Variants in TNRC6A observed in about 807,000 individuals in gnomAD.
TNRC6A encodes trinucleotide repeat-containing gene 6A protein.
TNRC6A carries 44 observed loss-of-function variants against 221.2 expected under a neutral mutation model. The ratio of observed to expected loss-of-function variants is 0.20; its 90% CI spans 0.16 to 0.26. TNRC6A has a LOEUF of 0.26. Among genes scored for constraint, TNRC6A ranks in the 10% least tolerant of loss-of-function variants. The probability of loss-of-function intolerance (pLI) is 1.00; values close to 1 mark genes in which losing one functional copy is unlikely to be tolerated. For missense variants in TNRC6A, 2,199 were observed against 2,404.4 expected, an observed-to-expected ratio of 0.91 and a Z score of 1.79; for synonymous variants, 847 against 838.5, an observed-to-expected ratio of 1.01 and a Z score of -0.18.
At chr16:24,701,669 T>A (rs929685535) in intron 2 of TNRC6A, among the ~76,000 whole-genome samples, 10 of 152,138 alleles carry the variant, frequency 6.6e-5, no homozygotes, top group African/African-American at 2.2e-4. Flanking sequence ...CCCAGCCACT[T>A]ACTAACTTGT....
At chr16:24,742,518 GGAATCTAATTA>G (rs1201927173) in intron 2 of TNRC6A, among the ~76,000 whole-genome samples, 2 of 152,186 alleles carry the variant, frequency 1.3e-5, no homozygotes, top group African/African-American at 4.8e-5. Flanking sequence ...AGCAGGAATT[GGAATCTAATTA>G]GAGTGCCCAG....
chr16:24,776,579 G>C (rs530194663), intron 4 of TNRC6A: 3 of 985,290 alleles, frequency 3.0e-6, no homozygotes, highest in African/African-American at 3.5e-5. Context: ...CTGAAAATTG[G>C]TTGGCCACAT....
At chr16:24,801,915 A>G (rs545635696) in intron 11 of TNRC6A, among the ~76,000 whole-genome samples, 1 of 152,224 alleles carries the variant, frequency 6.6e-6, no homozygotes, top group Admixed American at 6.5e-5. Flanking sequence ...AGAGTTCACA[A>G]TGGCTAGCTT....
intron 2 of TNRC6A, among the ~76,000 whole-genome samples, chr16:24,722,130 A>G (rs909529897): frequency 6.6e-6 from 1 of 152,146 alleles, no homozygotes; most frequent in African/African-American, 2.4e-5. Context: ...TACATTTTTC[A>G]CTTTAAAAGT....
chr16:24,738,790 A>G (rs908125592), intron 2 of TNRC6A, among the ~76,000 whole-genome samples: 2 of 152,132 alleles, frequency 1.3e-5, no homozygotes, highest in Non-Finnish European at 2.9e-5. Flanking sequence ...TTTCAATTCT[A>G]TTGGTTATAT....
chr16:24,654,792 A>G (rs1902872724), intron 2 of TNRC6A, among the ~76,000 whole-genome samples: 1 of 152,212 alleles, frequency 6.6e-6, no homozygotes, highest in Non-Finnish European at 1.5e-5. Context: ...AATTTAAAGT[A>G]AATTTCAGTA....
intron 2 of TNRC6A, among the ~76,000 whole-genome samples, chr16:24,699,923 T>C (rs1337081012): frequency 6.7e-6 from 1 of 150,236 alleles, no homozygotes. Context: ...CAAGTGCTAG[T>C]GTTACACAGG....
chr16:24,672,370 C>T lies in TNRC6A; in HGVS notation n.402+31361C>T, dbSNP rs545409423. On this transcript the variant is annotated intron_variant and non_coding_transcript_variant, in intron 2 of 2. Transcript: ENST00000566108. ...GTCTCAATTTCCTGACCTCGTGATCCGCCCTCCTCGGCCTCCCAAAGTGCT... is the reference window on the plus strand; with the variant it reads ...GTCTCAATTTCCTGACCTCGTGATCTGCCCTCCTCGGCCTCCCAAAGTGCT... Among the ~76,000 whole-genome samples the T allele has an allele frequency of 2.8e-4, 42 of 152,176 alleles. No individual in the cohort carries two copies. The South Asian group carries it at 7.1e-3, about 26-fold the overall frequency.
chr16:24,626,693 AG>A (rs1901016901), intron 1 of TNRC6A, among the ~76,000 whole-genome samples: 1 of 133,234 alleles, frequency 7.5e-6, no homozygotes, highest in African/African-American at 2.9e-5. Context: ...TGTGTCGCCC[AG>A]GCTGGAATGC....
At chr16:24,781,727 A>G (rs761307470) in intron 5 of TNRC6A, among the ~76,000 whole-genome samples, 1 of 151,802 alleles carries the variant, frequency 6.6e-6, no homozygotes, top group Non-Finnish European at 1.5e-5. Flanking sequence ...ACCCCCATTC[A>G]TCCAACCACC....
intron 2 of TNRC6A, among the ~76,000 whole-genome samples, chr16:24,654,796 T>G (rs1014224876): frequency 6.6e-6 from 1 of 152,056 alleles, no homozygotes; most frequent in African/African-American, 2.4e-5. Context: ...TAAAGTAAAT[T>G]TCAGTAATTT....
rs34569194 is a variant in TNRC6A, at chr16:24,704,082, CA to C, written n.403-46624del. Among the ~76,000 whole-genome samples the C allele has an allele frequency of 6.3e-3, 842 of 132,946 alleles. 1 individual carries two copies. Among genetic ancestry groups the C allele is most frequent in the Middle Eastern group, 8.3e-3 (2 of 242 alleles). 87.2% of individuals were successfully genotyped at this position (132,946 alleles called of 152,430 possible). ...TGGGTGATGGAATGAGACCTTGTAT[CA>C]AAAAAAAAAAAAAAAAAAATTTTTT... On this transcript the variant is annotated intron_variant and non_coding_transcript_variant, in intron 2 of 2. Coordinates refer to the TNRC6A transcript ENST00000566108.
At position 24,655,549 on chromosome 16, in the gene TNRC6A, C is replaced by A. The variant is rs369526783; in HGVS notation, n.402+14540C>A. ...ACTAAAAATACAAAAGTTAGCCAGG[C>A]GTGGTGGCACATGTCTGTAATCCCA... is the stretch of plus-strand genomic sequence containing the variant. On this transcript the variant is annotated intron_variant and non_coding_transcript_variant, in intron 2 of 2. Coordinates refer to the TNRC6A transcript ENST00000566108. Among the ~76,000 whole-genome samples, 29 of 152,092 alleles carry A rather than the reference C, an allele frequency of 1.9e-4. No individual in the cohort carries two copies. In the East Asian group the frequency reaches 5.5e-3, roughly 29 times the overall value.
rs2058808566 is a variant in TNRC6A at position 24,823,417 on chromosome 16, G to T, written c.5514-15G>T. On this transcript the variant is annotated splice_polypyrimidine_tract_variant and intron_variant, in intron 24 of 24. Transcript: ENST00000395799. This position sits in a 1 kb window ranked among gnomAD's most constrained non-coding sequence, Gnocchi z 4.3. The stretch of plus-strand genomic sequence containing the variant: ...TGTGCTGTCCTCACGTGTCCGCGGT[G>T]CCTCTCTCCTCTAGGTGTGTACTGG... 1 of 1,597,216 alleles carries T rather than the reference G, an allele frequency of 6.3e-7. No homozygotes were observed. Among genetic ancestry groups the T allele is most frequent in the Non-Finnish European group, 8.6e-7 (1 of 1,169,182 alleles).
chr16:24,648,511 T>G (rs373207441), intron 2 of TNRC6A, among the ~76,000 whole-genome samples: 1 of 151,904 alleles, frequency 6.6e-6, no homozygotes, highest in Non-Finnish European at 1.5e-5. Flanking sequence ...ACCTCATGAT[T>G]CACCCGCCTT....
chr16:24,686,386 C>A (rs1271586647), intron 2 of TNRC6A, among the ~76,000 whole-genome samples: 2 of 152,124 alleles, frequency 1.3e-5, no homozygotes, highest in Non-Finnish European at 2.9e-5. Context: ...AGCCTGGAAT[C>A]CTTGTTATGC....
In TNRC6A at chr16:24,811,530, G is replaced by GGT. The variant is rs745377347; in HGVS notation, c.4672+2051_4672+2052dup. On this transcript the variant is annotated intron_variant, in intron 18 of 24. Coordinates refer to ENST00000395799, the MANE Select transcript of TNRC6A (RefSeq NM_014494.4). ...GATAAACAGAAGTCAGGCAGGCAGA[G>GGT]GTGAAGGGAGGGGAAACGATGAGAG... Among the ~76,000 whole-genome samples, 5 of 152,254 alleles carry GGT rather than the reference G, an allele frequency of 3.3e-5. No individual in the cohort carries two copies. In the East Asian group the frequency reaches 9.6e-4, roughly 29 times the overall value.
intron 2 of TNRC6A, among the ~76,000 whole-genome samples, chr16:24,717,490 A>G (rs898011880): frequency 5.3e-5 from 8 of 152,216 alleles, no homozygotes; most frequent in African/African-American, 1.9e-4. Flanking sequence ...AAAGGACCTA[A>G]TAAGAGGCAG....
At chr16:24,731,196 CTTTT>C (rs1267826114) in intron 2 of TNRC6A, among the ~76,000 whole-genome samples, 1 of 151,946 alleles carries the variant, frequency 6.6e-6, no homozygotes. Context: ...GAATAGCTTT[CTTTT>C]TTTCTTTTTT....
Sources: gnomAD v4.1 joint callset for allele counts (sites outside exome capture counted in the v4.1 genomes callset) on GRCh38, gnomAD v4.1.1 for gene constraint, Gnocchi (gnomAD v3.1) non-coding constraint, MANE v1.5 for transcripts, NCBI Gene and HGNC (gene_info 2026-07-23, HGNC 2026-07-21) for gene names.